The following PPP4R4 variants were observed in gnomAD, a reference collection of about 807,000 sequenced individuals.
PPP4R4 encodes protein phosphatase 4 regulatory subunit 4.
PPP4R4 carries 70 observed loss-of-function variants against 121.8 expected under a neutral mutation model. That is an observed-to-expected ratio of 0.57 (90% CI 0.47 to 0.70). The LOEUF (loss-of-function observed/expected upper bound fraction) is 0.70, where lower values mean the gene tolerates loss of function less well. PPP4R4 is among the 30% of genes least tolerant of loss of function. The probability of loss-of-function intolerance (pLI) is 0.00; values close to 1 mark genes in which losing one functional copy is unlikely to be tolerated. For synonymous variants in PPP4R4, 348 were observed against 355.7 expected (o/e 0.98, Z 0.24); for missense variants, 875 against 1,033.6 (o/e 0.85, Z 2.10).
rs1888553525 is a variant in PPP4R4, at chr14:94,174,559, A to C, written c.94A>C (p.Arg32=). Residue 32 remains arginine (R), a synonymous_variant, in exon 1 of 25, where the codon AGG becomes CGG. Transcript: ENST00000304338. ...CCTGCAGGAGCTCACCATCATCGAG[A>C]GGCCGGTCCGCCGGAGCCTCAAGGT... ...EDLQELTIIE[R]PVRRSLKTPE... The C allele has an allele frequency of 1.2e-6, 2 of 1,611,880 alleles. No individual in the cohort carries two copies. Among genetic ancestry groups the C allele is most frequent in the Non-Finnish European group, 1.7e-6 (2 of 1,179,068 alleles).
intron 1 of PPP4R4, 145 bp downstream of exon 1, chr14:94,174,727 C>A: frequency 1.4e-6 from 2 of 1,405,596 alleles, no homozygotes; most frequent in South Asian, 2.9e-5. Context: ...TCCTCCTCCA[C>A]CCCTCTTGCC....
rs1595523305 is a variant in PPP4R4 at position 94,248,675 on chromosome 14, T to G, written c.1612-1497T>G. Among the ~76,000 whole-genome samples, 3 of 152,344 alleles carry G rather than the reference T, an allele frequency of 2.0e-5. No individual in the cohort carries two copies. In the East Asian group the frequency reaches 5.8e-4, roughly 29 times the overall value. ...GTAGAATCCATTGATGATCCTTGCT[T>G]GAATTGGTGATTTCATTATAACTTG... On this transcript the variant is annotated intron_variant, in intron 14 of 24. Transcript: ENST00000304338.
At chr14:94,263,556 A>T (rs769862640) in intron 19 of PPP4R4, among the ~76,000 whole-genome samples, 2 of 152,198 alleles carry the variant, frequency 1.3e-5, no homozygotes, top group Non-Finnish European at 2.9e-5. Context: ...GCAAGATTAG[A>T]ATTCAGGATT....
intron 1 of PPP4R4, 21 bp downstream of exon 1, chr14:94,174,603 C>G (rs376836794): frequency 1.2e-6 from 2 of 1,607,546 alleles, no homozygotes; most frequent in Non-Finnish European, 8.5e-7. Flanking sequence ...GGGAGAGGAC[C>G]TGCCCTCACG....
intron 16 of PPP4R4, 140 bp downstream of exon 16, chr14:94,252,036 A>T (rs1467858820): frequency 5.3e-5 from 34 of 646,220 alleles, no homozygotes; most frequent in Non-Finnish European, 8.2e-5. Context: ...TAGTATTCAT[A>T]ATTGATGGGC....
intron 2 of PPP4R4, among the ~76,000 whole-genome samples, chr14:94,195,004 A>G (rs1023648926): frequency 2.0e-5 from 3 of 151,902 alleles, no homozygotes; most frequent in Non-Finnish European, 4.4e-5. Flanking sequence ...TTTTTTCCAT[A>G]TTACTTTTAA....
chr14:94,261,890 C>A (rs1028385628), intron 19 of PPP4R4, among the ~76,000 whole-genome samples: 1 of 151,960 alleles, frequency 6.6e-6, no homozygotes, highest in Admixed American at 6.5e-5. Context: ...TGGAGATAAA[C>A]CCTATTTGGC....
At chr14:94,232,833 C>T (rs1016319915) in intron 5 of PPP4R4, among the ~76,000 whole-genome samples, 12 of 151,870 alleles carry the variant, frequency 7.9e-5, no homozygotes, top group Non-Finnish European at 1.6e-4. Context: ...CTGAGGCGGG[C>T]GGATCATGAG....
At position 94,200,802 on chromosome 14, in the gene PPP4R4, TGTA is replaced by T. The variant is rs745372119; in HGVS notation, c.192-7661_192-7659del. 1.9e-3 allele frequency among the ~76,000 whole-genome samples: 276 copies of T among 146,214 alleles called. 10 individuals are homozygous for T. The highest frequency in any genetic ancestry group is 3.0e-3 in the Admixed American group (44 of 14,794). On this transcript the variant is annotated intron_variant, in intron 2 of 24. Transcript: ENST00000304338. ...CCAGCTTTTTGTTTCACTTATCTTT[TGTA>T]TTTTTTTTTTGTTTCCCTTTCATTT...
intron 24 of PPP4R4, among the ~76,000 whole-genome samples, chr14:94,276,603 C>T (rs945298351): frequency 2.0e-5 from 3 of 151,446 alleles, no homozygotes; most frequent in East Asian, 1.9e-4. Context: ...TCAGATCTTG[C>T]GAGAACTCAC....
At chr14:94,177,952 C>T (rs1441904540) in intron 2 of PPP4R4, among the ~76,000 whole-genome samples, 28 of 152,188 alleles carry the variant, frequency 1.8e-4, no homozygotes, top group Non-Finnish European at 4.4e-5. Flanking sequence ...AGGTGACTCA[C>T]AAGGGGAACA....
intron 11 of PPP4R4, among the ~76,000 whole-genome samples, chr14:94,243,409 TA>T (rs1723698060): frequency 6.6e-6 from 1 of 152,092 alleles, no homozygotes; most frequent in Admixed American, 6.6e-5. Context: ...CAAGATGCAT[TA>T]AATGGTCACT....
chr14:94,207,526 A>G (rs564602019), intron 2 of PPP4R4, among the ~76,000 whole-genome samples: 4 of 152,130 alleles, frequency 2.6e-5, no homozygotes, highest in Non-Finnish European at 4.4e-5. Flanking sequence ...TTAAAGTCTT[A>G]TGTACGTATA....
chr14:94,277,629 G>A (rs1894717086), intron 24 of PPP4R4, among the ~76,000 whole-genome samples: 1 of 152,146 alleles, frequency 6.6e-6, no homozygotes, highest in Non-Finnish European at 1.5e-5. Flanking sequence ...AAATGCCATA[G>A]GCATTTTTTA....
intron 3 of PPP4R4, chr14:94,227,360 T>C: frequency 6.2e-7 from 1 of 1,611,518 alleles, no homozygotes; most frequent in Non-Finnish European, 8.5e-7. Flanking sequence ...TGTGACTCTG[T>C]GGAGGAGAAC....
chr14:94,278,639 C>G lies in PPP4R4; in HGVS notation c.2618C>G (p.Pro873Arg). 1 of 1,584,170 alleles carries G rather than the reference C, an allele frequency of 6.3e-7. No homozygotes were observed. The highest frequency in any genetic ancestry group is 8.6e-7 in the Non-Finnish European group (1 of 1,162,520). The stretch of plus-strand genomic sequence containing the variant: ...CAAAGAAAATCCAGAAAATCCAATC[C>G]TTAAATCAACTGCTTGATGAAGGAG... ...KATLKSRKSN[P>R] Residue 873 changes from proline to arginine, a missense_variant, in exon 25 of 25, where the codon CCT becomes CGT. Pro to Arg is a moderately radical substitution (Grantham distance 103). Transcript: ENST00000304338.
At chr14:94,255,632 A>G (rs979698640) in intron 16 of PPP4R4, among the ~76,000 whole-genome samples, 9 of 152,020 alleles carry the variant, frequency 5.9e-5, no homozygotes, top group Non-Finnish European at 8.8e-5. Flanking sequence ...TCAGAATCCA[A>G]CTACTTCTCA....
At chr14:94,203,980 C>G (rs996036685) in intron 2 of PPP4R4, among the ~76,000 whole-genome samples, 1 of 152,158 alleles carries the variant, frequency 6.6e-6, no homozygotes, top group African/African-American at 2.4e-5. Flanking sequence ...TTCTCCCAGT[C>G]TGTGGCTTGT....
intron 3 of PPP4R4, chr14:94,227,372 C>T (rs757310847): frequency 1.2e-6 from 2 of 1,610,766 alleles, no homozygotes; most frequent in East Asian, 2.2e-5. Context: ...GAGGAGAACA[C>T]TTACTGGTAA....
Sources: gnomAD v4.1 joint callset for allele counts (sites outside exome capture counted in the v4.1 genomes callset) on GRCh38, gnomAD v4.1.1 for gene constraint, MANE v1.5 for transcripts, NCBI Gene and HGNC (gene_info 2026-07-23, HGNC 2026-07-21) for gene names.